The following MARCHF1 variants were observed in gnomAD, a reference collection of about 807,000 sequenced individuals.
MARCHF1 encodes the protein E3 ubiquitin-protein ligase MARCHF1.
Under a neutral mutation model 54.2 loss-of-function variants are expected in MARCHF1, and 40 were observed. The ratio of observed to expected loss-of-function variants is 0.74; its 90% CI spans 0.57 to 0.96. The LOEUF (loss-of-function observed/expected upper bound fraction) is 0.96, where lower values mean the gene tolerates loss of function less well. MARCHF1 is among the 40% of genes least tolerant of loss of function. The pLI is 0.00. For synonymous variants in MARCHF1, 236 were observed against 236.3 expected (o/e 1.00, Z 0.01); for missense variants, 586 against 656.5 (o/e 0.89, Z 1.17).
chr4:163,646,123 A>G (rs1742750868), intron 5 of MARCHF1, among the ~76,000 whole-genome samples: 1 of 149,602 alleles, frequency 6.7e-6, no homozygotes, highest in African/African-American at 2.6e-5. Flanking sequence ...TTGAAAGCAA[A>G]AAGAGATAAG....
intron 4 of MARCHF1, among the ~76,000 whole-genome samples, chr4:163,852,246 G>A (rs1749661485): frequency 1.3e-5 from 2 of 151,976 alleles, no homozygotes; most frequent in African/African-American, 4.8e-5. Context: ...CTGGGCCATG[G>A]TGCAAGCTGT....
chr4:163,548,083 G>A (rs1738971796), intron 8 of MARCHF1, among the ~76,000 whole-genome samples: 2 of 152,118 alleles, frequency 1.3e-5, no homozygotes, highest in South Asian at 2.1e-4. Flanking sequence ...CCTCATGTCC[G>A]TGCAAGATTG....
chr4:164,016,650 G>A (rs535834685), intron 2 of MARCHF1, among the ~76,000 whole-genome samples: 78 of 152,246 alleles, frequency 5.1e-4, no homozygotes, highest in African/African-American at 1.8e-3. Context: ...GTAACTAGAG[G>A]CTGGGAAGGA....
chr4:163,877,730 C>T (rs1217709203), intron 3 of MARCHF1, among the ~76,000 whole-genome samples: 3 of 152,126 alleles, frequency 2.0e-5, no homozygotes, highest in Non-Finnish European at 2.9e-5. Context: ...ACAACTTGGG[C>T]ACGTCTCACC....
chr4:164,191,155 G>A (rs17044735), intron 1 of MARCHF1, among the ~76,000 whole-genome samples: 22,524 of 152,078 alleles, frequency 0.15, 2,243 homozygotes, highest in African/African-American at 0.26. Flanking sequence ...AACAAGATTC[G>A]GAGTATGGAT....
At chr4:163,610,794 C>T (rs66515307) in intron 7 of MARCHF1, among the ~76,000 whole-genome samples, 52,150 of 151,612 alleles carry the variant, frequency 0.34, 9,338 homozygotes, top group South Asian at 0.41. Flanking sequence ...TACAGTCGAG[C>T]CCTCTCCACT....
At chr4:164,298,891 C>T (rs1734479042) in intron 1 of MARCHF1, among the ~76,000 whole-genome samples, 1 of 152,102 alleles carries the variant, frequency 6.6e-6, no homozygotes, top group South Asian at 2.1e-4. Context: ...AGATAATTCA[C>T]TTCCTTTTCA....
chr4:163,590,714 G>A (rs1740563189), intron 7 of MARCHF1, among the ~76,000 whole-genome samples: 1 of 152,014 alleles, frequency 6.6e-6, no homozygotes, highest in African/African-American at 2.4e-5. Context: ...CAGCTAATAA[G>A]CTGTGGGTTT....
intron 4 of MARCHF1, among the ~76,000 whole-genome samples, chr4:163,851,106 T>C (rs1037145586): frequency 2.6e-5 from 4 of 152,074 alleles, no homozygotes; most frequent in African/African-American, 9.7e-5. Flanking sequence ...AAACTTAAAA[T>C]AACTCTAGGT....
chr4:163,575,347 T>C (rs1177115028), intron 8 of MARCHF1, among the ~76,000 whole-genome samples: 2 of 152,188 alleles, frequency 1.3e-5, no homozygotes, highest in Non-Finnish European at 2.9e-5. Context: ...GTCTATGTGG[T>C]GAATCAAATT....
At chr4:163,592,773 T>C (rs1244072471) in intron 7 of MARCHF1, among the ~76,000 whole-genome samples, 1 of 152,080 alleles carries the variant, frequency 6.6e-6, no homozygotes, top group East Asian at 1.9e-4. Context: ...CCCACTGAGA[T>C]TCTATTATCA....
At chr4:164,269,597 T>C (rs544686616) in intron 1 of MARCHF1, among the ~76,000 whole-genome samples, 1 of 152,298 alleles carries the variant, frequency 6.6e-6, no homozygotes, top group African/African-American at 2.4e-5. Flanking sequence ...TTTTCTGTTA[T>C]TATACATTGA....
intron 1 of MARCHF1, among the ~76,000 whole-genome samples, chr4:164,351,117 A>G (rs1730307445): frequency 6.6e-6 from 1 of 152,182 alleles, no homozygotes; most frequent in African/African-American, 2.4e-5. Flanking sequence ...GTCCTACCCC[A>G]CGGAATCTCG....
chr4:163,705,100 A>C (rs1744911791), intron 4 of MARCHF1, among the ~76,000 whole-genome samples: 1 of 151,792 alleles, frequency 6.6e-6, no homozygotes. Context: ...GAAAAACATA[A>C]GATAGTTAAT....
chr4:164,222,415 A>G (rs992734397), intron 1 of MARCHF1, among the ~76,000 whole-genome samples: 1 of 151,986 alleles, frequency 6.6e-6, no homozygotes, highest in Non-Finnish European at 1.5e-5. Flanking sequence ...TATTTTGTGT[A>G]TATTAGAAAG....
At chr4:163,667,632 T>G (rs1743587949) in intron 5 of MARCHF1, among the ~76,000 whole-genome samples, 1 of 148,718 alleles carries the variant, frequency 6.7e-6, no homozygotes. Flanking sequence ...TATACAAACT[T>G]TTTTTTTTTT....
At chr4:163,656,806 A>G (rs1400038077) in intron 5 of MARCHF1, among the ~76,000 whole-genome samples, 1 of 152,084 alleles carries the variant, frequency 6.6e-6, no homozygotes, top group African/African-American at 2.4e-5. Flanking sequence ...AACAAAAAAT[A>G]CATGATTATC....
intron 2 of MARCHF1, among the ~76,000 whole-genome samples, chr4:164,082,236 A>G (rs932839192): frequency 3.3e-5 from 5 of 152,152 alleles, no homozygotes; most frequent in Non-Finnish European, 7.4e-5. Flanking sequence ...AGTAGTCAAC[A>G]GTTTCTCTCA....
intron 1 of MARCHF1, among the ~76,000 whole-genome samples, chr4:164,252,837 G>A (rs968629293): frequency 6.6e-6 from 1 of 152,134 alleles, no homozygotes; most frequent in Non-Finnish European, 1.5e-5. Context: ...GCAGTGGACA[G>A]TGATGAGGAA....
Sources: allele counts gnomAD v4.1 joint callset (sites outside exome capture counted in the v4.1 genomes callset), GRCh38; gene constraint gnomAD v4.1.1; transcripts MANE v1.5; gene names NCBI Gene and HGNC (gene_info 2026-07-23, HGNC 2026-07-21).